KAZN: variants seen among roughly 807,000 people sequenced by gnomAD.
KAZN encodes kazrin, periplakin interacting protein, also known as kazrin.
Under a neutral mutation model 87.4 loss-of-function variants are expected in KAZN, and 40 were observed. That is an observed-to-expected ratio of 0.46 (90% confidence interval 0.36 to 0.60). The LOEUF is 0.60. KAZN is among the 20% of genes least tolerant of loss of function. KAZN has a pLI of 0.00. For synonymous variants in KAZN, 466 were observed against 458.3 expected (o/e 1.02, Z -0.22); for missense variants, 898 against 1,073.9 (o/e 0.84, Z 2.29).
At chr1:14,357,790 A>C (rs1659162672) in intron 2 of KAZN, among the ~76,000 whole-genome samples, 2 of 152,152 alleles carry the variant, frequency 1.3e-5, no homozygotes, top group African/African-American at 4.8e-5. Flanking sequence ...ATCATGGTGG[A>C]TAAGTTTTTT....
At chr1:14,204,832 G>A (rs1361538506) in intron 2 of KAZN, among the ~76,000 whole-genome samples, 5 of 152,234 alleles carry the variant, frequency 3.3e-5, no homozygotes, top group African/African-American at 1.2e-4. Context: ...GATAATATTG[G>A]AACTCAGTTC....
At chr1:14,675,348 G>T (rs1476326868) in intron 1 of KAZN, among the ~76,000 whole-genome samples, 1 of 152,256 alleles carries the variant, frequency 6.6e-6, no homozygotes, top group African/African-American at 2.4e-5. Flanking sequence ...GGCCCGCAGG[G>T]CAACCCTCAG....
chr1:14,326,410 C>A (rs1184255052), intron 2 of KAZN, among the ~76,000 whole-genome samples: 1 of 152,218 alleles, frequency 6.6e-6, no homozygotes, highest in Non-Finnish European at 1.5e-5. Context: ...CCTTTGCCTC[C>A]ACAACCTGAT....
chr1:14,586,583 T>A (rs1001417961), intron 2 of KAZN, among the ~76,000 whole-genome samples: 2 of 148,160 alleles, frequency 1.3e-5, no homozygotes, highest in Non-Finnish European at 3.0e-5. Flanking sequence ...GGTGCTGGAG[T>A]GCGGTGGCAC....
chr1:13,915,757 T>C (rs1187927574), intron 1 of KAZN, among the ~76,000 whole-genome samples: 2 of 151,240 alleles, frequency 1.3e-5, no homozygotes, highest in Non-Finnish European at 2.9e-5. Context: ...AGAGAGGGGC[T>C]TGAGCCTGGA....
chr1:14,074,403 A>G (rs1643364340), intron 1 of KAZN, among the ~76,000 whole-genome samples: 2 of 152,170 alleles, frequency 1.3e-5, no homozygotes, highest in Admixed American at 1.3e-4. Context: ...ATCCTCTGCA[A>G]ACCAGCACCC....
intron 2 of KAZN, among the ~76,000 whole-genome samples, chr1:14,520,740 T>C (rs1350349871): frequency 2.0e-5 from 3 of 152,234 alleles, no homozygotes; most frequent in African/African-American, 7.2e-5. Context: ...ATTAATAGCC[T>C]GTGATCATCC....
At chr1:14,938,635 C>T (rs1660725356) in intron 1 of KAZN, among the ~76,000 whole-genome samples, 1 of 151,758 alleles carries the variant, frequency 6.6e-6, no homozygotes, top group Non-Finnish European at 1.5e-5. Flanking sequence ...CTCAATAGGA[C>T]GTCAAGCACT....
intron 1 of KAZN, among the ~76,000 whole-genome samples, chr1:14,845,552 T>C (rs1223943520): frequency 6.9e-6 from 1 of 145,732 alleles, no homozygotes; most frequent in Non-Finnish European, 1.5e-5. Flanking sequence ...GATGCATAGA[T>C]GGGTGGGTGG....
intron 1 of KAZN, among the ~76,000 whole-genome samples, chr1:13,907,360 G>C (rs1639480809): frequency 6.6e-6 from 1 of 152,176 alleles, no homozygotes; most frequent in South Asian, 2.1e-4. Context: ...ATGCTTGGCA[G>C]GGTGGGAGCT....
At chr1:14,796,564 G>C (rs1044753770) in intron 1 of KAZN, among the ~76,000 whole-genome samples, 1 of 152,228 alleles carries the variant, frequency 6.6e-6, no homozygotes, top group Non-Finnish European at 1.5e-5. Flanking sequence ...TCGCTGGAGA[G>C]CTCCAGGATG....
chr1:13,981,914 A>C (rs954188292), intron 1 of KAZN, among the ~76,000 whole-genome samples: 2 of 152,118 alleles, frequency 1.3e-5, no homozygotes, highest in African/African-American at 4.8e-5. Context: ...AGAGGGTGGG[A>C]CTTTCTCATT....
At chr1:14,392,219 G>A (rs7547067) in intron 2 of KAZN, among the ~76,000 whole-genome samples, 7,358 of 152,198 alleles carry the variant, frequency 0.048, 576 homozygotes, top group African/African-American at 0.17. Flanking sequence ...ATTATTAAGA[G>A]GAAAATCCTT....
intron 2 of KAZN, among the ~76,000 whole-genome samples, chr1:14,525,592 G>C (rs1571863005): frequency 6.6e-6 from 1 of 152,130 alleles, no homozygotes; most frequent in Non-Finnish European, 1.5e-5. Flanking sequence ...ACTATTCTTA[G>C]CTTGCCAGCC....
At chr1:14,272,245 A>C (rs942314731) in intron 2 of KAZN, among the ~76,000 whole-genome samples, 4 of 152,074 alleles carry the variant, frequency 2.6e-5, no homozygotes, top group African/African-American at 9.7e-5. Flanking sequence ...TTTGCTGCAG[A>C]TGTCTCTCAC....
chr1:14,587,921 T>C (rs1675958313), intron 2 of KAZN, among the ~76,000 whole-genome samples: 1 of 152,152 alleles, frequency 6.6e-6, no homozygotes, highest in Admixed American at 6.5e-5. Flanking sequence ...CCATCTTCAT[T>C]ACATTTTTCA....
At chr1:13,971,192 G>A (rs1642123356) in intron 1 of KAZN, among the ~76,000 whole-genome samples, 1 of 152,184 alleles carries the variant, frequency 6.6e-6, no homozygotes, top group South Asian at 2.1e-4. Context: ...GCCTAATTTG[G>A]ATGTGTTCTT....
intron 1 of KAZN, among the ~76,000 whole-genome samples, chr1:13,933,522 G>A (rs888075810): frequency 1.3e-5 from 2 of 152,070 alleles, no homozygotes; most frequent in African/African-American, 4.8e-5. Context: ...AGTCTGGTAG[G>A]GTCTGGTACA....
intron 1 of KAZN, among the ~76,000 whole-genome samples, chr1:14,912,692 A>C (rs973896116): frequency 1.3e-5 from 2 of 152,126 alleles, no homozygotes; most frequent in African/African-American, 4.8e-5. Flanking sequence ...AATTTTTTCA[A>C]AAAGGCCAGG....
Sources: allele counts gnomAD v4.1 joint callset (sites outside exome capture counted in the v4.1 genomes callset), GRCh38; gene constraint gnomAD v4.1.1; transcripts MANE v1.5; gene names NCBI Gene and HGNC (gene_info 2026-07-23, HGNC 2026-07-21).